Variants in SVIL observed in about 807,000 individuals in gnomAD.
SVIL encodes supervillin.
Under a neutral mutation model 240.4 loss-of-function variants are expected in SVIL, and 101 were observed. That is an observed-to-expected ratio of 0.42 (90% confidence interval 0.36 to 0.50). SVIL has a LOEUF of 0.50. Ranked by LOEUF, SVIL falls within the 20% of genes least tolerant of loss-of-function variation. SVIL has a pLI of 0.01. For synonymous variants in SVIL, 999 were observed against 1,100.0 expected (o/e 0.91, Z 1.82); for missense variants, 2,512 against 2,818.7 (o/e 0.89, Z 2.46).
chr10:29,713,036 G>T (rs1963395178), intron 1 of SVIL, among the ~76,000 whole-genome samples: 1 of 152,038 alleles, frequency 6.6e-6, no homozygotes, highest in Non-Finnish European at 1.5e-5. Context: ...AGAATTAGCT[G>T]GGTGTGGTGG....
chr10:29,578,709 G>T (rs10763726), intron 1 of SVIL, among the ~76,000 whole-genome samples: 74,283 of 152,074 alleles, frequency 0.49, 18,216 homozygotes, highest in Admixed American at 0.56. Flanking sequence ...CACACTTCCG[G>T]GTGCATTTCT....
chr10:29,624,784 C>T (rs915888306), intron 1 of SVIL, among the ~76,000 whole-genome samples: 10 of 152,068 alleles, frequency 6.6e-5, no homozygotes, highest in South Asian at 4.1e-4. Flanking sequence ...TAAAATACCA[C>T]GGTAATTTGT....
intron 2 of SVIL, among the ~76,000 whole-genome samples, chr10:29,677,546 C>T (rs564481200): frequency 5.9e-5 from 9 of 152,262 alleles, no homozygotes; most frequent in African/African-American, 2.2e-4. Flanking sequence ...GCCTCAGCCT[C>T]CTAAGTAGCT....
intron 23 of SVIL, chr10:29,487,704 G>T (rs1947543278): frequency 1.2e-5 from 2 of 160,904 alleles, no homozygotes; most frequent in African/African-American, 4.8e-5. Context: ...TTCAGGAAGG[G>T]TCGGCTCTTC....
chr10:29,486,556 G>T lies in SVIL; in HGVS notation c.4487C>A (p.Ala1496Asp). The change falls in exon 25 of 38, where the codon GCC (alanine) becomes GAC (aspartate). Residue 1496 changes from alanine to aspartate, a missense_variant and splice_region_variant. Ala to Asp is a moderately radical substitution (Grantham distance 126). Transcript: ENST00000355867. ...EFANVIEKAK[A>D]SELATLIQTK... ...CTGAATTAAAGTTGCAAGTTCTGAG[G>T]CCTAAAAAAGAGAGGAACACAATTG... The T allele has an allele frequency of 1.2e-6, 2 of 1,614,048 alleles. No homozygotes were observed. The highest frequency in any genetic ancestry group is 1.7e-6 in the Non-Finnish European group (2 of 1,180,022).
In SVIL at chr10:29,573,089, T is replaced by A. The variant is rs78065650; in HGVS notation, c.-200-3777A>T. ...AACATTTATTTTAGATTAAGGGGTATGTGTGCAGGTTTGTTACATGGGTAC... is the reference window on the plus strand; with the variant it reads ...AACATTTATTTTAGATTAAGGGGTAAGTGTGCAGGTTTGTTACATGGGTAC... On this transcript the variant is annotated intron_variant, in intron 1 of 37. Coordinates refer to ENST00000355867, the MANE Select transcript of SVIL (RefSeq NM_021738.3). Among the ~76,000 whole-genome samples the A allele has an allele frequency of 7.2e-3, 1,092 of 152,258 alleles. 17 individuals carry two copies. Among genetic ancestry groups the A allele is most frequent in the African/African-American group, 0.025 (1,033 of 41,542 alleles).
At chr10:29,645,650 A>C (rs1301571266) in intron 3 of SVIL, among the ~76,000 whole-genome samples, 1 of 152,238 alleles carries the variant, frequency 6.6e-6, no homozygotes, top group Non-Finnish European at 1.5e-5. Context: ...GAAATAAAAA[A>C]TTATTAGACA....
intron 22 of SVIL, 136 bp downstream of exon 22, chr10:29,490,711 C>T: frequency 1.9e-6 from 2 of 1,065,032 alleles, no homozygotes; most frequent in Admixed American, 2.8e-5. Flanking sequence ...TATGTGCAAA[C>T]TTACTCCTTT....
chr10:29,709,294 C>T lies in SVIL; in HGVS notation c.-399-22643G>A, dbSNP rs558259801. On this transcript the variant is annotated intron_variant, in intron 1 of 35. Transcript: ENST00000375400. Reference sequence around the variant, plus strand: ...ACCCTAAGTGCTCCAATGAGCATAACCTTTGAGTGTCGTGTCATGTTGGCA... The same window carrying T: ...ACCCTAAGTGCTCCAATGAGCATAATCTTTGAGTGTCGTGTCATGTTGGCA... Among the ~76,000 whole-genome samples, 18 of 152,326 alleles carry T rather than the reference C, an allele frequency of 1.2e-4. No homozygotes were observed. The South Asian group carries it at 2.9e-3, about 25-fold the overall frequency.
chr10:29,532,594 T>A lies in SVIL; in HGVS notation c.1773A>T (p.Lys591Asn). ...CACTTCGGAGCTGGGCGACAGAGACTTTTGTGTCCAGCATGCTGATCTCCC... is the reference window on the plus strand; with the variant it reads ...CACTTCGGAGCTGGGCGACAGAGACATTTGTGTCCAGCATGCTGATCTCCC... ...PYGEISMLDT[K>N]VSVAQLRSAF... The change falls in exon 8 of 38, where the codon AAA becomes AAT. Residue 591 changes from lysine (K) to asparagine (N), a missense_variant. This residue lies in a region of SVIL where 1,443 missense variants were observed against 1,486.6 expected (regional missense o/e 0.97). Transcript: ENST00000355867. 1 of 1,613,726 alleles carries A rather than the reference T, an allele frequency of 6.2e-7. No homozygotes were observed.
chr10:29,692,054 C>G (rs1961551525), intron 1 of SVIL, among the ~76,000 whole-genome samples: 1 of 152,192 alleles, frequency 6.6e-6, no homozygotes, highest in African/African-American at 2.4e-5. Context: ...CACTGTCAAC[C>G]TCAGTGAAGA....
At chr10:29,576,097 A>C in intron 1 of SVIL, 1 of 985,276 alleles carries the variant, frequency 1.0e-6, no homozygotes, top group Non-Finnish European at 1.2e-6. Flanking sequence ...CTGGTACCTG[A>C]CTTTTCTCTC....
intron 3 of SVIL, among the ~76,000 whole-genome samples, chr10:29,656,985 A>G (rs1032569506): frequency 6.6e-6 from 1 of 152,222 alleles, no homozygotes; most frequent in Non-Finnish European, 1.5e-5. Context: ...CAATAATAGT[A>G]TCTACAAAGT....
At chr10:29,632,182 C>T (rs1008077644) in intron 1 of SVIL, among the ~76,000 whole-genome samples, 8 of 152,116 alleles carry the variant, frequency 5.3e-5, no homozygotes, top group African/African-American at 1.9e-4. Flanking sequence ...GGATGCAATT[C>T]CTCAACTGTA....
At chr10:29,509,249 A>G (rs1348585254) in intron 17 of SVIL, among the ~76,000 whole-genome samples, 1 of 151,116 alleles carries the variant, frequency 6.6e-6, no homozygotes, top group Admixed American at 6.6e-5. Flanking sequence ...CTATACCAAG[A>G]ACAGGTGAAA....
intron 15 of SVIL, among the ~76,000 whole-genome samples, chr10:29,522,932 C>A (rs1231640896): frequency 6.6e-6 from 1 of 152,190 alleles, no homozygotes; most frequent in African/African-American, 2.4e-5. Flanking sequence ...CAAAATAATA[C>A]CTTAACATTC....
intron 1 of SVIL, among the ~76,000 whole-genome samples, chr10:29,629,268 G>C (rs952812566): frequency 3.3e-5 from 5 of 152,096 alleles, no homozygotes; most frequent in African/African-American, 1.2e-4. Context: ...TAGAGGAACA[G>C]AGGAGCCTTG....
intron 30 of SVIL, 67 bp from the exon 31 acceptor site, chr10:29,471,310 T>C (rs1273431782): frequency 5.1e-5 from 62 of 1,225,370 alleles, no homozygotes; most frequent in Non-Finnish European, 6.6e-5. Context: ...AAACAATACA[T>C]GCCTCTTGCA....
At chr10:29,553,439 G>A (rs1288056994) in intron 5 of SVIL, among the ~76,000 whole-genome samples, 1 of 152,080 alleles carries the variant, frequency 6.6e-6, no homozygotes, top group Non-Finnish European at 1.5e-5. Context: ...AAATTAGCCC[G>A]GTATGGTGGC....
Sources: allele counts gnomAD v4.1 joint callset (sites outside exome capture counted in the v4.1 genomes callset), GRCh38; gene constraint gnomAD v4.1.1; regional missense constraint gnomAD v4.1.1; transcripts MANE v1.5; gene names NCBI Gene and HGNC (gene_info 2026-07-23, HGNC 2026-07-21).